The following PSAT1 variants were observed in gnomAD, a reference collection of about 807,000 sequenced individuals.
The protein encoded by PSAT1 is phosphoserine aminotransferase.
PSAT1 carries 41 observed loss-of-function variants against 40.3 expected under a neutral mutation model. That is an observed-to-expected ratio of 1.02 (90% CI 0.79 to 1.32). PSAT1 has a LOEUF of 1.32. Among genes scored for constraint, PSAT1 ranks in the 40% most tolerant of loss-of-function variants. The pLI is 0.00. For missense variants in PSAT1, 406 were observed against 455.8 expected, an observed-to-expected ratio of 0.89 and a Z score of 0.99; for synonymous variants, 147 against 170.5, an observed-to-expected ratio of 0.86 and a Z score of 1.07.
chr9:78,303,216 T>C (rs1326317689), intron 3 of PSAT1, among the ~76,000 whole-genome samples: 1 of 152,220 alleles, frequency 6.6e-6, no homozygotes, highest in Non-Finnish European at 1.5e-5. Context: ...TCAAATTGCT[T>C]GATAAAATGA....
At chr9:78,297,493 C>T (rs1334940853) in intron 1 of PSAT1, among the ~76,000 whole-genome samples, 1 of 152,236 alleles carries the variant, frequency 6.6e-6, no homozygotes. Flanking sequence ...TGCAGCTGCC[C>T]CTGGCCCTGA....
At chr9:78,319,558 G>C (rs1828397200) in intron 7 of PSAT1, among the ~76,000 whole-genome samples, 1 of 152,238 alleles carries the variant, frequency 6.6e-6, no homozygotes, top group Non-Finnish European at 1.5e-5. Context: ...TGGAGGCCAG[G>C]ATACCCTGCC....
chr9:78,297,955 T>C (rs1828051018), intron 1 of PSAT1, among the ~76,000 whole-genome samples: 1 of 151,954 alleles, frequency 6.6e-6, no homozygotes. Flanking sequence ...CTAAAGCCTT[T>C]CTCCCCACCC....
intron 5 of PSAT1, 22 bp downstream of exon 5, chr9:78,306,508 G>A: frequency 2.5e-6 from 4 of 1,614,084 alleles, no homozygotes; most frequent in African/African-American, 1.3e-5. Context: ...AAGGCAGGGT[G>A]AGGGGAACCC....
At chr9:78,309,304 C>G (rs751882989) in intron 6 of PSAT1, among the ~76,000 whole-genome samples, 1 of 152,202 alleles carries the variant, frequency 6.6e-6, no homozygotes, top group Non-Finnish European at 1.5e-5. Flanking sequence ...CTTTCTCTGT[C>G]GGGCCTGCGG....
chr9:78,322,439 G>T (rs1477981690), intron 7 of PSAT1, among the ~76,000 whole-genome samples: 5 of 152,190 alleles, frequency 3.3e-5, no homozygotes, highest in Admixed American at 3.3e-4. Context: ...CTACGAACAT[G>T]GGGGTGGAAG....
At chr9:78,319,598 G>T (rs909971615) in intron 7 of PSAT1, among the ~76,000 whole-genome samples, 1 of 152,242 alleles carries the variant, frequency 6.6e-6, no homozygotes, top group Non-Finnish European at 1.5e-5. Flanking sequence ...TAAAGTGCAC[G>T]ATCAGCAGTA....
At position 78,328,035 on chromosome 9, in the gene PSAT1, TA is replaced by T; in HGVS notation, c.870-13del. ...CATTTCAGAAAAGTAGCTGGAATAA[TA>T]AACATGTTTTTCAGTTGTCCAGTGG... On this transcript the variant is annotated splice_polypyrimidine_tract_variant and intron_variant, in intron 7 of 8. Transcript: ENST00000376588. 6.2e-7 allele frequency: 1 copy of T among 1,608,694 alleles called. No homozygotes were observed. Among genetic ancestry groups the T allele is most frequent in the Non-Finnish European group, 8.5e-7 (1 of 1,176,854 alleles).
At chr9:78,324,867 G>T (rs1210579922) in intron 7 of PSAT1, among the ~76,000 whole-genome samples, 1 of 152,114 alleles carries the variant, frequency 6.6e-6, no homozygotes, top group African/African-American at 2.4e-5. Flanking sequence ...AGTGGTGCGG[G>T]GACATGCTGG....
chr9:78,325,630 G>A (rs1460159617), intron 7 of PSAT1, among the ~76,000 whole-genome samples: 2 of 152,208 alleles, frequency 1.3e-5, no homozygotes, highest in Non-Finnish European at 2.9e-5. Context: ...CTCTGCCTTT[G>A]CAGCCCTTGG....
intron 6 of PSAT1, among the ~76,000 whole-genome samples, chr9:78,315,106 C>T (rs1006004052): frequency 4.1e-4 from 62 of 152,248 alleles, no homozygotes; most frequent in African/African-American, 9.4e-4. Flanking sequence ...TGCACACCCA[C>T]GTGCATGTGT....
intron 7 of PSAT1, among the ~76,000 whole-genome samples, chr9:78,319,467 G>A (rs569118681): frequency 1.4e-4 from 21 of 152,296 alleles, no homozygotes; most frequent in African/African-American, 5.1e-4. Context: ...CTGTTCTCTG[G>A]TTCTGTGCAA....
intron 1 of PSAT1, chr9:78,298,339 A>G (rs943808048): frequency 3.0e-6 from 3 of 985,002 alleles, no homozygotes; most frequent in Non-Finnish European, 3.6e-6. Context: ...GTATTTTACA[A>G]TTATCAATTG....
intron 7 of PSAT1, among the ~76,000 whole-genome samples, chr9:78,321,241 C>G (rs556888192): frequency 4.5e-4 from 68 of 152,274 alleles, no homozygotes; most frequent in Non-Finnish European, 7.2e-4. Context: ...CCCACCACCC[C>G]CTCAGTTGCC....
chr9:78,309,395 G>T (rs7855608), intron 6 of PSAT1, among the ~76,000 whole-genome samples: 1 of 152,092 alleles, frequency 6.6e-6, no homozygotes, highest in African/African-American at 2.4e-5. Flanking sequence ...ACGGAGTCTC[G>T]CTCTGTTGCC....
chr9:78,326,595 G>A (rs955551830), intron 7 of PSAT1, among the ~76,000 whole-genome samples: 13 of 152,094 alleles, frequency 8.5e-5, no homozygotes, highest in African/African-American at 2.9e-4. Context: ...AAAGATAGAT[G>A]TATTAACAGG....
At chr9:78,317,890 T>C in intron 7 of PSAT1, 86 bp downstream of exon 7, 1 of 1,457,834 alleles carries the variant, frequency 6.9e-7, no homozygotes, top group Non-Finnish European at 9.6e-7. Flanking sequence ...AGTGGACATA[T>C]TCACCTTTCT....
At chr9:78,314,843 C>G (rs1301600389) in intron 6 of PSAT1, among the ~76,000 whole-genome samples, 6 of 151,960 alleles carry the variant, frequency 3.9e-5, no homozygotes, top group Non-Finnish European at 7.4e-5. Flanking sequence ...CACAGTGCAG[C>G]AAGGGCCCAT....
In PSAT1 at chr9:78,302,040, C is replaced by T; in HGVS notation, c.191+17C>T. 1 of 1,562,564 alleles carries T rather than the reference C, an allele frequency of 6.4e-7. No individual in the cohort carries two copies. The highest frequency in any genetic ancestry group is 8.8e-7 in the Non-Finnish European group (1 of 1,133,220). On this transcript the variant is annotated intron_variant, in intron 3 of 8. Coordinates refer to ENST00000376588, the MANE Select transcript of PSAT1 (RefSeq NM_058179.4). ...GGAATTGCTGTAAGTTTTAAAAAGA[C>T]CAAATCATGTTACTTTTGTTAGATA... is the stretch of plus-strand genomic sequence containing the variant.
Sources: allele counts gnomAD v4.1 joint callset (sites outside exome capture counted in the v4.1 genomes callset), GRCh38; gene constraint gnomAD v4.1.1; transcripts MANE v1.5; gene names NCBI Gene and HGNC (gene_info 2026-07-23, HGNC 2026-07-21).